The following TIMELESS variants were observed in gnomAD, a reference collection of about 807,000 sequenced individuals.
TIMELESS encodes the protein timeless circadian regulator.
Under a neutral mutation model 164.3 loss-of-function variants are expected in TIMELESS, and 124 were observed. The ratio of observed to expected loss-of-function variants is 0.75; its 90% CI spans 0.65 to 0.88. The LOEUF is 0.88. Among genes scored for constraint, TIMELESS ranks in the 40% least tolerant of loss-of-function variants. TIMELESS has a pLI of 0.00. For missense variants in TIMELESS, 1,422 were observed against 1,491.4 expected, an observed-to-expected ratio of 0.95 and a Z score of 0.77; for synonymous variants, 564 against 563.4, an observed-to-expected ratio of 1.00 and a Z score of -0.02.
rs1881946350 is a variant in TIMELESS at position 56,433,052 on chromosome 12, C to T, written c.505G>A (p.Val169Ile). ...ILLLVRNILH[V>I]PADLDQEKKI... is the part of the protein sequence containing the mutation. ...TTCTCCTGATCAAGGTCAGCTGGGA[C>T]ATGGAGAATATTTCTGACCAGCAGT... The change falls in exon 6 of 29, where the codon GTC becomes ATC. Residue 169 changes from valine to isoleucine, a missense_variant. By Grantham distance (29) the Val-to-Ile change is conservative. Coordinates refer to ENST00000553532, the MANE Select transcript of TIMELESS (RefSeq NM_003920.5). The T allele has an allele frequency of 1.2e-6, 2 of 1,612,822 alleles. No individual in the cohort carries two copies. The highest frequency in any genetic ancestry group is 1.7e-6 in the Non-Finnish European group (2 of 1,179,730).
chr12:56,417,407 C>T lies in TIMELESS; in HGVS notation c.*309G>A, dbSNP rs1881299146. 3.3e-6 allele frequency: 1 copy of T among 304,674 alleles called. No individual in the cohort carries two copies. Among genetic ancestry groups the T allele is most frequent in the Admixed American group, 4.5e-5 (1 of 22,450 alleles). The allele number at this position is 304,674 out of a possible 1,614,324, so 18.9% of individuals were successfully genotyped here. Reference sequence around the variant, plus strand: ...ATAAAAGGGGTCCGGGGTGCTTTCTCTATTTCACTCACTCCTCTTATTTGC... The same window carrying T: ...ATAAAAGGGGTCCGGGGTGCTTTCTTTATTTCACTCACTCCTCTTATTTGC... On this transcript the variant is annotated 3_prime_UTR_variant, in exon 29 of 29. Coordinates refer to ENST00000553532, the MANE Select transcript of TIMELESS (RefSeq NM_003920.5).
intron 25 of TIMELESS, 22 bp downstream of exon 25, chr12:56,420,791 A>C: frequency 6.2e-7 from 1 of 1,614,074 alleles, no homozygotes; most frequent in South Asian, 1.1e-5. Flanking sequence ...TCTTCTCCTA[A>C]AAGTGTCACC....
In TIMELESS at chr12:56,421,360, G is replaced by A. The variant is rs1565679336; in HGVS notation, c.2859C>T (p.Ser953=). 6.2e-7 allele frequency: 1 copy of A among 1,613,844 alleles called. No homozygotes were observed. Reference sequence around the variant, plus strand: ...AGGGTCAGATTGTTACCAAGATGGAGGATGCCAACTTTTTCTGCCGTTTCT... The same window carrying A: ...AGGGTCAGATTGTTACCAAGATGGAAGATGCCAACTTTTTCTGCCGTTTCT... ...LYKKRQKKLA[S]SILPNGAESL... Residue 953 remains serine (S), a synonymous_variant, in exon 23 of 29, where the codon TCC becomes TCT. Coordinates refer to ENST00000553532, the MANE Select transcript of TIMELESS (RefSeq NM_003920.5).
At position 56,423,342 on chromosome 12, in the gene TIMELESS, G is replaced by A; in HGVS notation, c.2224C>T (p.Leu742Phe). The change falls in exon 18 of 29, where the codon CTT becomes TTT. Residue 742 changes from leucine to phenylalanine, a missense_variant. Coordinates refer to ENST00000553532, the MANE Select transcript of TIMELESS (RefSeq NM_003920.5). Reference protein sequence around the residue: ...LAHDLKMEALLFQLSVFCLFN... With the variant: ...LAHDLKMEALFFQLSVFCLFN... ...AGGCAGAAGACTGACAGCTGAAAAAGTAGGGCTTCCATTTTGAGGTCATGG... is the reference window on the plus strand; with the variant it reads ...AGGCAGAAGACTGACAGCTGAAAAAATAGGGCTTCCATTTTGAGGTCATGG... 1 of 1,614,128 alleles carries A rather than the reference G, an allele frequency of 6.2e-7. No individual in the cohort carries two copies. The highest frequency in any genetic ancestry group is 8.5e-7 in the Non-Finnish European group (1 of 1,180,032).
rs2638312 is a variant in TIMELESS at position 56,434,190 on chromosome 12, C to T, written c.-20G>A. On this transcript the variant is annotated 5_prime_UTR_variant, in exon 2 of 29. Transcript: ENST00000553532. ...GTCCATACATCAGTGGACCAACCAA[C>T]AGAGAAGGAAGTGGAGAAACAGGAG... 0.99 allele frequency: 1,585,925 copies of T among 1,595,532 alleles called. 788,654 individuals are homozygous for T. Among genetic ancestry groups the T allele is most frequent in the East Asian group, 1 (44,784 of 44,784 alleles).
At chr12:56,420,029 A>AAAAAAAATATATATATATAT (rs1555176447) in intron 26 of TIMELESS, among the ~76,000 whole-genome samples, 1 of 75,190 alleles carries the variant, frequency 1.3e-5, no homozygotes, top group African/African-American at 6.7e-5. Context: ...AAAAAAAAAA[A>AAAAAAAATATATATATATAT]ATATATATAT....
intron 1 of TIMELESS, among the ~76,000 whole-genome samples, chr12:56,436,219 C>T (rs1399810437): frequency 5.3e-5 from 8 of 152,004 alleles, no homozygotes; most frequent in Admixed American, 1.3e-4. Flanking sequence ...TTTGGGAGGC[C>T]GAGGTGTGTG....
intron 13 of TIMELESS, 46 bp from the exon 14 acceptor site, chr12:56,425,198 G>T (rs12824030): frequency 4.0e-5 from 63 of 1,567,722 alleles, no homozygotes; most frequent in Non-Finnish European, 5.2e-5. Context: ...GCTAAAGAGG[G>T]CTTTCCCCAT....
At position 56,425,030 on chromosome 12, in the gene TIMELESS, T is replaced by C; in HGVS notation, c.1701A>G (p.Leu567=). The C allele has an allele frequency of 1.2e-6, 2 of 1,614,232 alleles. No individual in the cohort carries two copies. Among genetic ancestry groups the C allele is most frequent in the Non-Finnish European group, 1.7e-6 (2 of 1,180,038 alleles). Residue 567 remains leucine (L), a synonymous_variant, in exon 14 of 29, where the codon CTA becomes CTG. Transcript: ENST00000553532. The stretch of plus-strand genomic sequence containing the variant: ...AACCACCTACCTGGGCACAGCACTG[T>C]AGCTGCTCAGCCAGGGCTGGCCACA... ...EAVWPALAEQ[L]QCCAQNSELS... is the part of the protein sequence containing the mutation.
rs776587905 is a variant in TIMELESS, at chr12:56,423,686, C to T, written c.1988G>A (p.Arg663His). The T allele has an allele frequency of 1.7e-5, 28 of 1,613,890 alleles. No homozygotes were observed. The Middle Eastern group carries it at 4.9e-4, about 28-fold the overall frequency. The change falls in exon 17 of 29, where the codon CGT becomes CAT. Residue 663 changes from arginine (R) to histidine (H), a missense_variant. By Grantham distance (29) the Arg-to-His change is conservative (BLOSUM62 0). Transcript: ENST00000553532. ...CTCCTCTTCTTCTTCCTCTGCCCCA[C>T]GTTCCTCTGGGCCCTGCTGCCCTAT... ...PLPRQQGPEE[R>H]GAEEEEEEEE...
chr12:56,439,120 C>T (rs1477303852), intron 1 of TIMELESS, among the ~76,000 whole-genome samples: 1 of 131,266 alleles, frequency 7.6e-6, no homozygotes, highest in South Asian at 2.5e-4. Flanking sequence ...GAGCCCAAAT[C>T]GTGCCACTGC....
intron 11 of TIMELESS, 104 bp downstream of exon 11, chr12:56,428,779 C>G: frequency 6.7e-7 from 1 of 1,482,326 alleles, no homozygotes; most frequent in Non-Finnish European, 9.3e-7. Flanking sequence ...AGTCCTTGCT[C>G]CCCAGACTGA....
intron 22 of TIMELESS, 36 bp from the exon 23 acceptor site, chr12:56,421,529 C>A: frequency 6.3e-7 from 1 of 1,594,038 alleles, no homozygotes; most frequent in Non-Finnish European, 8.6e-7. Flanking sequence ...CCAAGGGTAA[C>A]AGGGAAAGAG....
chr12:56,421,534 A>G lies in TIMELESS; in HGVS notation c.2726-41T>C, dbSNP rs1456385462. The G allele has an allele frequency of 3.8e-6, 6 of 1,589,638 alleles. No homozygotes were observed. The East Asian group carries it at 1.3e-4, about 36-fold the overall frequency. Reference sequence around the variant, plus strand: ...ATGTGAATACCCAAGGGTAACAGGGAAAGAGATGAGTAAAATAAATCAGAG... The same window carrying G: ...ATGTGAATACCCAAGGGTAACAGGGGAAGAGATGAGTAAAATAAATCAGAG... On this transcript the variant is annotated intron_variant, in intron 22 of 28. Coordinates refer to ENST00000553532, the MANE Select transcript of TIMELESS (RefSeq NM_003920.5).
intron 6 of TIMELESS, 87 bp downstream of exon 6, chr12:56,432,939 G>C: frequency 1.1e-6 from 1 of 922,276 alleles, no homozygotes; most frequent in South Asian, 1.7e-5. Flanking sequence ...TGGCGACAGA[G>C]AGAGACTCCG....
At chr12:56,424,961 T>C (rs755772949) in intron 14 of TIMELESS, 48 bp from the exon 15 acceptor site, 13 of 1,613,944 alleles carry the variant, frequency 8.1e-6, no homozygotes, top group Admixed American at 6.7e-5. Flanking sequence ...AAAACCCAGA[T>C]TGTATACCCT....
intron 26 of TIMELESS, 121 bp downstream of exon 26, chr12:56,420,448 T>C (rs1881427939): frequency 5.1e-6 from 4 of 777,158 alleles, no homozygotes; most frequent in Non-Finnish European, 8.3e-6. Context: ...GACAAGACAA[T>C]GAGAAGGACC....
chr12:56,426,385 C>T (rs374417932), intron 13 of TIMELESS, among the ~76,000 whole-genome samples: 3 of 137,078 alleles, frequency 2.2e-5, no homozygotes, highest in Non-Finnish European at 3.1e-5. Context: ...GGTACAAAAT[C>T]TTTTTTTTTT....
At chr12:56,432,595 C>T in intron 6 of TIMELESS, 71 bp from the exon 7 acceptor site, 1 of 1,562,730 alleles carries the variant, frequency 6.4e-7, no homozygotes, top group Non-Finnish European at 8.7e-7. Flanking sequence ...AGCTCTCCAA[C>T]TCATTCTTTG....
Sources: allele counts gnomAD v4.1 joint callset (sites outside exome capture counted in the v4.1 genomes callset), GRCh38; gene constraint gnomAD v4.1.1; transcripts MANE v1.5; gene names NCBI Gene and HGNC (gene_info 2026-07-23, HGNC 2026-07-21).